DDHD1: variants seen among roughly 807,000 people sequenced by gnomAD.
The protein encoded by DDHD1 is phospholipase DDHD1.
DDHD1 carries 49 observed loss-of-function variants against 96.4 expected under a neutral mutation model. The observed-to-expected ratio is 0.51, with a 90% CI of 0.40 to 0.64. DDHD1 has a LOEUF of 0.64. Ranked by LOEUF, DDHD1 falls within the 30% of genes least tolerant of loss-of-function variation. DDHD1 has a pLI of 0.00. For synonymous variants in DDHD1, 442 were observed against 446.5 expected (o/e 0.99, Z 0.13); for missense variants, 1,106 against 1,161.2 (o/e 0.95, Z 0.69).
chr14:53,095,278 T>TAC (rs1886791004), intron 2 of DDHD1, among the ~76,000 whole-genome samples: 2 of 152,108 alleles, frequency 1.3e-5, no homozygotes, highest in African/African-American at 2.4e-5. Context: ...CCATTTTACT[T>TAC]ACAAAAATAC....
chr14:53,067,141 G>C (rs1884092846), intron 6 of DDHD1, among the ~76,000 whole-genome samples: 2 of 151,340 alleles, frequency 1.3e-5, no homozygotes, highest in South Asian at 4.2e-4. Flanking sequence ...GGAGATCCGG[G>C]AAACTATTCC....
chr14:53,111,298 T>C (rs2139755660), intron 1 of DDHD1, among the ~76,000 whole-genome samples: 1 of 152,384 alleles, frequency 6.6e-6, no homozygotes, highest in East Asian at 1.9e-4. Flanking sequence ...CCTTTATGTT[T>C]TCTTATAGAA....
At chr14:53,104,800 G>A (rs1434999659) in intron 1 of DDHD1, among the ~76,000 whole-genome samples, 2 of 151,958 alleles carry the variant, frequency 1.3e-5, no homozygotes, top group Non-Finnish European at 1.5e-5. Context: ...AACCCTAAAA[G>A]TAAAAAGCAA....
In DDHD1 at chr14:53,037,163, A is replaced by C. The variant is rs574448734; in HGVS notation, c.*9605T>G. ...GATTTATATGTACCACATTTTCTTT[A>C]TCCAGTCCACTGTTGATGGGCAGCC... On this transcript the variant is annotated 3_prime_UTR_variant, in exon 13 of 13. Coordinates refer to ENST00000673822, the MANE Select transcript of DDHD1 (RefSeq NM_001160148.2). The C allele has an allele frequency of 3.3e-5, 5 of 152,182 alleles. No individual in the cohort carries two copies. The highest frequency in any genetic ancestry group is 3.4e-3 in the Middle Eastern group (1 of 294). 9.4% of individuals were successfully genotyped at this position (152,182 alleles called of 1,614,324 possible).
intron 4 of DDHD1, among the ~76,000 whole-genome samples, chr14:53,085,736 T>C (rs56403445): frequency 0.077 from 11,739 of 152,140 alleles, 1,192 homozygotes; most frequent in African/African-American, 0.23. Context: ...CCAGAGCACC[T>C]CGTCTCCTCC....
intron 1 of DDHD1, among the ~76,000 whole-genome samples, chr14:53,118,760 T>C (rs1888746955): frequency 6.6e-6 from 1 of 152,138 alleles, no homozygotes; most frequent in South Asian, 2.1e-4. Flanking sequence ...CCAGGAGAAC[T>C]TCCCCATCCT....
intron 1 of DDHD1, among the ~76,000 whole-genome samples, chr14:53,119,794 G>A (rs1888842147): frequency 1.3e-5 from 2 of 152,124 alleles, no homozygotes. Context: ...GGTATCAATA[G>A]AATATAACTC....
At chr14:53,098,762 C>A (rs986333496) in intron 2 of DDHD1, among the ~76,000 whole-genome samples, 2 of 152,020 alleles carry the variant, frequency 1.3e-5, no homozygotes, top group African/African-American at 4.8e-5. Flanking sequence ...GATAGGAATA[C>A]ACACTTCATC....
intron 1 of DDHD1, among the ~76,000 whole-genome samples, chr14:53,120,318 A>G (rs1888888279): frequency 6.6e-6 from 1 of 152,246 alleles, no homozygotes. Context: ...TAAATGGAAA[A>G]AAATTCTATG....
intron 2 of DDHD1, among the ~76,000 whole-genome samples, chr14:53,094,316 AT>A (rs1212019159): frequency 2.6e-5 from 4 of 152,252 alleles, no homozygotes; most frequent in Admixed American, 6.5e-5. Flanking sequence ...GCCAATAATT[AT>A]TGGATATTGC....
intron 1 of DDHD1, among the ~76,000 whole-genome samples, chr14:53,139,844 A>C (rs887217094): frequency 2.8e-4 from 1 of 3,632 alleles, no homozygotes; most frequent in African/African-American, 7.3e-4. Context: ...AAGAGACCAC[A>C]AAAAAAAAAA....
At chr14:53,072,733 A>C in intron 5 of DDHD1, 30 bp from the exon 6 acceptor site, 1 of 1,503,968 alleles carries the variant, frequency 6.6e-7, no homozygotes, top group South Asian at 1.2e-5. Flanking sequence ...AAGCAAGTTA[A>C]CTTATAGAAA....
At chr14:53,059,820 C>G (rs191799377) in intron 8 of DDHD1, among the ~76,000 whole-genome samples, 1 of 138,812 alleles carries the variant, frequency 7.2e-6, no homozygotes, top group Admixed American at 7.4e-5. Flanking sequence ...GCCAAGATCA[C>G]GCCACTGCAC....
chr14:53,081,144 C>G (rs1885437021), intron 4 of DDHD1, among the ~76,000 whole-genome samples: 1 of 152,158 alleles, frequency 6.6e-6, no homozygotes, highest in South Asian at 2.1e-4. Context: ...CTTCCCTTAT[C>G]ATCACTGAAA....
intron 4 of DDHD1, among the ~76,000 whole-genome samples, chr14:53,087,681 T>C (rs762345976): frequency 4.6e-5 from 7 of 152,178 alleles, no homozygotes; most frequent in Admixed American, 1.3e-4. Flanking sequence ...GGAAAATATA[T>C]AGCACTAAAT....
intron 4 of DDHD1, among the ~76,000 whole-genome samples, chr14:53,080,918 T>C (rs1885418888): frequency 6.6e-6 from 1 of 152,296 alleles, no homozygotes; most frequent in East Asian, 1.9e-4. Context: ...CACTTAAATG[T>C]GATCCAATTG....
chr14:53,122,796 T>C (rs1889101425), intron 1 of DDHD1, among the ~76,000 whole-genome samples: 1 of 151,958 alleles, frequency 6.6e-6, no homozygotes, highest in Admixed American at 6.6e-5. Flanking sequence ...CTCGAACTCC[T>C]GACCTTGTGA....
At position 53,148,308 on chromosome 14, in the gene DDHD1, G is replaced by T. The variant is rs549731895; in HGVS notation, c.838+3953C>A. On this transcript the variant is annotated intron_variant, in intron 1 of 12. Transcript: ENST00000673822. ...TGCACACATCACTGCCATTGGAATT[G>T]AATTATTCTTTTTTTTTTTTTGAGA... 2.0e-5 allele frequency among the ~76,000 whole-genome samples: 3 copies of T among 151,626 alleles called. No homozygotes were observed. In the East Asian group the frequency reaches 5.8e-4, roughly 29 times the overall value.
At position 53,056,504 on chromosome 14, in the gene DDHD1, C is replaced by T. The variant is rs190164979; in HGVS notation, c.1993-592G>A. Among the ~76,000 whole-genome samples the T allele has an allele frequency of 6.8e-4, 104 of 152,044 alleles. 1 individual carries two copies. The highest frequency in any genetic ancestry group is 5.9e-5 in the Non-Finnish European group (4 of 67,998). ...TGGAGATGGGGTCTCGCCTTGGTGC[C>T]CAGGCTGGTCTCAAACTCCTGGGCT... On this transcript the variant is annotated intron_variant, in intron 9 of 12. Coordinates refer to ENST00000673822, the MANE Select transcript of DDHD1 (RefSeq NM_001160148.2).
Sources: allele counts gnomAD v4.1 joint callset (sites outside exome capture counted in the v4.1 genomes callset), GRCh38; gene constraint gnomAD v4.1.1; transcripts MANE v1.5; gene names NCBI Gene and HGNC (gene_info 2026-07-23, HGNC 2026-07-21).